STAU2: variants seen among roughly 807,000 people sequenced by gnomAD.
STAU2 encodes double-stranded RNA-binding protein Staufen homolog 2.
A neutral mutation model predicts 65.9 loss-of-function variants in STAU2; 20 were observed. The ratio of observed to expected loss-of-function variants is 0.30; its 90% CI spans 0.21 to 0.44. The LOEUF is 0.44. Ranked by LOEUF, STAU2 falls within the 20% of genes least tolerant of loss-of-function variation. STAU2 has a pLI of 1.00. For synonymous variants in STAU2, 232 were observed against 233.9 expected (o/e 0.99, Z 0.07); for missense variants, 558 against 683.9 (o/e 0.82, Z 2.05).
chr8:73,710,993 T>C (rs1460118578), intron 3 of STAU2, among the ~76,000 whole-genome samples: 1 of 151,718 alleles, frequency 6.6e-6, no homozygotes, highest in Non-Finnish European at 1.5e-5. Context: ...GTGATAATTA[T>C]GATTAAGAAA....
At chr8:73,439,039 C>T in intron 13 of STAU2, 1 of 456,722 alleles carries the variant, frequency 2.2e-6, no homozygotes, top group Non-Finnish European at 4.4e-6. Flanking sequence ...ACCATCCTAC[C>T]ATGGGAATTA....
At chr8:73,438,888 G>A (rs1274548790) in intron 13 of STAU2, 1 of 454,324 alleles carries the variant, frequency 2.2e-6, no homozygotes, top group Non-Finnish European at 4.4e-6. Context: ...AATGTGTGGG[G>A]AGCTTGATTT....
intron 13 of STAU2, among the ~76,000 whole-genome samples, chr8:73,480,326 T>C (rs1820543704): frequency 6.6e-6 from 1 of 152,168 alleles, no homozygotes; most frequent in Admixed American, 6.6e-5. Flanking sequence ...AAATGTGAGC[T>C]TGCAATGAAG....
At chr8:73,591,416 C>G (rs1810770508) in intron 11 of STAU2, among the ~76,000 whole-genome samples, 2 of 151,960 alleles carry the variant, frequency 1.3e-5, no homozygotes, top group Non-Finnish European at 2.9e-5. Flanking sequence ...ATCACCCTAA[C>G]TAAAGGGCAA....
chr8:73,501,351 G>T (rs918719960), intron 13 of STAU2, among the ~76,000 whole-genome samples: 11 of 151,796 alleles, frequency 7.2e-5, no homozygotes, highest in Admixed American at 2.0e-4. Context: ...TCTATACAAA[G>T]AAAACAGATA....
Position 73,479,623 on chromosome 8 carries a change from C to T in STAU2, c.1531-56921G>A, listed in dbSNP as rs554484350. Among the ~76,000 whole-genome samples, 10 of 151,416 alleles carry T rather than the reference C, an allele frequency of 6.6e-5. No homozygotes were observed. In the South Asian group the frequency reaches 2.1e-3, roughly 32 times the overall value. ...AAAAATAAACAAGCACTTAAGAAAA[C>T]TAGTCTTAAGAATTATCAAATTTTT... On this transcript the variant is annotated intron_variant, in intron 13 of 14. Transcript: ENST00000524300.
intron 13 of STAU2, among the ~76,000 whole-genome samples, chr8:73,425,425 G>T (rs1369931561): frequency 6.6e-6 from 1 of 152,138 alleles, no homozygotes; most frequent in Non-Finnish European, 1.5e-5. Flanking sequence ...TGAGGAGAGG[G>T]GCCTGGGACA....
intron 5 of STAU2, among the ~76,000 whole-genome samples, chr8:73,688,402 A>G (rs12680991): frequency 0.28 from 41,801 of 149,254 alleles, 6,276 homozygotes; most frequent in East Asian, 0.46. Flanking sequence ...ATTACCTAAC[A>G]TGATCCACCC....
At chr8:73,713,677 C>A (rs1821048250) in intron 3 of STAU2, among the ~76,000 whole-genome samples, 1 of 151,964 alleles carries the variant, frequency 6.6e-6, no homozygotes, top group African/African-American at 2.4e-5. Context: ...AGAAAACTGG[C>A]AGAATACAGA....
chr8:73,645,168 A>G (rs1473764468), intron 6 of STAU2, among the ~76,000 whole-genome samples: 1 of 152,214 alleles, frequency 6.6e-6, no homozygotes, highest in Non-Finnish European at 1.5e-5. Context: ...AATATCGTCC[A>G]TGACTATAGA....
rs1816361522 is a variant in STAU2, at chr8:73,421,392, T to G, written c.1693A>C (p.Lys565Gln). 1 of 1,537,174 alleles carries G rather than the reference T, an allele frequency of 6.5e-7. No individual in the cohort carries two copies. ...AGCTGCTAGACGGCCGAGTTTGATT[T>G]CTTGCAGTCCTGAGCGATGGAGCCC... ...PPGSIAQDCK[K>Q]SNSAV The change falls in exon 15 of 15, where the codon AAA becomes CAA. Residue 565 changes from lysine to glutamine, a missense_variant. Transcript: ENST00000524300.
At chr8:73,594,306 A>G (rs979373014) in intron 11 of STAU2, among the ~76,000 whole-genome samples, 4 of 152,228 alleles carry the variant, frequency 2.6e-5, no homozygotes, top group African/African-American at 9.6e-5. Flanking sequence ...ACAAAAAAGT[A>G]CATCTAAGTG....
At chr8:73,606,825 T>C (rs73686847) in intron 9 of STAU2, among the ~76,000 whole-genome samples, 23,622 of 152,122 alleles carry the variant, frequency 0.16, 1,862 homozygotes, top group African/African-American at 0.18. Flanking sequence ...ACAGCCCAAA[T>C]ATCCACTGAC....
intron 6 of STAU2, among the ~76,000 whole-genome samples, chr8:73,662,641 G>A (rs1308325998): frequency 1.3e-5 from 2 of 151,344 alleles, no homozygotes; most frequent in Admixed American, 1.3e-4. Flanking sequence ...TTTTGAGACA[G>A]AGTTTCACTC....
At chr8:73,469,625 G>A (rs1819868302) in intron 13 of STAU2, among the ~76,000 whole-genome samples, 1 of 152,080 alleles carries the variant, frequency 6.6e-6, no homozygotes, top group African/African-American at 2.4e-5. Flanking sequence ...CAGGTTGGGG[G>A]TTAATGCTGC....
At chr8:73,423,208 T>C (rs996314041) in intron 13 of STAU2, among the ~76,000 whole-genome samples, 5 of 152,108 alleles carry the variant, frequency 3.3e-5, no homozygotes, top group Non-Finnish European at 7.4e-5. Flanking sequence ...GATGGTAAGA[T>C]GGGATCCTGA....
At chr8:73,431,524 GTA>G (rs1817291627) in intron 13 of STAU2, among the ~76,000 whole-genome samples, 1 of 152,178 alleles carries the variant, frequency 6.6e-6, no homozygotes. Flanking sequence ...GTGCGTATCT[GTA>G]TGTGTGTCCG....
At chr8:73,669,272 A>T (rs1430886161) in intron 6 of STAU2, among the ~76,000 whole-genome samples, 1 of 152,196 alleles carries the variant, frequency 6.6e-6, no homozygotes, top group African/African-American at 2.4e-5. Context: ...GATCTGCAGA[A>T]TATCATAAAA....
At chr8:73,474,149 A>G (rs1820190916) in intron 13 of STAU2, among the ~76,000 whole-genome samples, 1 of 152,132 alleles carries the variant, frequency 6.6e-6, no homozygotes, top group South Asian at 2.1e-4. Flanking sequence ...AAAACAAAAC[A>G]AAACAAAAAA....
Sources: allele counts gnomAD v4.1 joint callset (sites outside exome capture counted in the v4.1 genomes callset), GRCh38; gene constraint gnomAD v4.1.1; transcripts MANE v1.5; gene names NCBI Gene and HGNC (gene_info 2026-07-23, HGNC 2026-07-21).